CTNNA3: variants seen among roughly 807,000 people sequenced by gnomAD.
The protein encoded by CTNNA3 is catenin alpha 3, also known as catenin alpha-3.
A neutral mutation model predicts 95.7 loss-of-function variants in CTNNA3; 76 were observed. The ratio of observed to expected loss-of-function variants is 0.79; its 90% CI spans 0.66 to 0.96. CTNNA3 has a LOEUF of 0.96. Among genes scored for constraint, CTNNA3 ranks in the 40% least tolerant of loss-of-function variants. CTNNA3 has a pLI of 0.00. For missense variants in CTNNA3, 1,191 were observed against 1,089.8 expected, an observed-to-expected ratio of 1.09 and a Z score of -1.31; for synonymous variants, 431 against 374.4, an observed-to-expected ratio of 1.15 and a Z score of -1.74.
chr10:66,060,443 T>C (rs1288688019), intron 15 of CTNNA3, among the ~76,000 whole-genome samples: 1 of 152,084 alleles, frequency 6.6e-6, no homozygotes, highest in East Asian at 1.9e-4. Context: ...GTTATTTTTG[T>C]TTATTTCTAA....
rs144933631 is a variant in CTNNA3 at position 66,363,339 on chromosome 10, G to A, written c.1732+15813C>T. 1.6e-4 allele frequency among the ~76,000 whole-genome samples: 24 copies of A among 152,126 alleles called. 1 individual carries two copies. Among genetic ancestry groups the A allele is most frequent in the Non-Finnish European group, 3.1e-4 (21 of 68,018 alleles). ...AGATGGGGCCTTTGAGAGGTAATTA[G>A]GTCATAAAGGTGGAGCCCTCATAAT... is the stretch of plus-strand genomic sequence containing the variant. On this transcript the variant is annotated intron_variant, in intron 12 of 17. Coordinates refer to ENST00000433211, the MANE Select transcript of CTNNA3 (RefSeq NM_013266.4).
intron 1 of CTNNA3, among the ~76,000 whole-genome samples, chr10:67,713,776 T>C (rs1473781078): frequency 1.3e-5 from 2 of 151,974 alleles, no homozygotes; most frequent in Admixed American, 6.6e-5. Context: ...CACATGCTGG[T>C]GCCTGTCGGG....
chr10:66,510,237 T>C (rs570957496), intron 11 of CTNNA3, among the ~76,000 whole-genome samples: 1 of 151,778 alleles, frequency 6.6e-6, no homozygotes, highest in South Asian at 2.1e-4. Flanking sequence ...TGTATGTTGA[T>C]TTTTTTTATC....
At chr10:67,496,599 T>C (rs984579881) in intron 5 of CTNNA3, among the ~76,000 whole-genome samples, 1 of 152,196 alleles carries the variant, frequency 6.6e-6, no homozygotes, top group Admixed American at 6.5e-5. Flanking sequence ...GGATTTCATA[T>C]AGGTAACTGA....
chr10:65,963,550 GC>G (rs1206922756), intron 17 of CTNNA3, among the ~76,000 whole-genome samples: 1 of 152,106 alleles, frequency 6.6e-6, no homozygotes, highest in African/African-American at 2.4e-5. Flanking sequence ...ATTTTTACAT[GC>G]CAATGTTGTA....
intron 11 of CTNNA3, among the ~76,000 whole-genome samples, chr10:66,459,756 T>C (rs2093516356): frequency 6.6e-6 from 1 of 152,198 alleles, no homozygotes; most frequent in Admixed American, 6.6e-5. Context: ...TAAGTGTTTA[T>C]GCATTTAAAC....
chr10:67,126,312 A>T (rs920701149), intron 7 of CTNNA3, among the ~76,000 whole-genome samples: 1 of 152,122 alleles, frequency 6.6e-6, no homozygotes, highest in African/African-American at 2.4e-5. Context: ...GTGGATCATG[A>T]GGTAAGGAGT....
At chr10:67,412,525 C>A (rs965295630) in intron 5 of CTNNA3, among the ~76,000 whole-genome samples, 2 of 151,980 alleles carry the variant, frequency 1.3e-5, no homozygotes, top group Non-Finnish European at 2.9e-5. Context: ...AGATACTATA[C>A]AAGATGACCC....
chr10:66,699,666 C>CT (rs10627549), intron 9 of CTNNA3, among the ~76,000 whole-genome samples: 67,555 of 146,244 alleles, frequency 0.46, 15,871 homozygotes, highest in East Asian at 0.7. Context: ...TGATATTTAC[C>CT]TTTTTTTTTT....
At chr10:66,604,975 G>A (rs1364066721) in intron 10 of CTNNA3, among the ~76,000 whole-genome samples, 1 of 152,122 alleles carries the variant, frequency 6.6e-6, no homozygotes, top group African/African-American at 2.4e-5. Context: ...GGAAATGACA[G>A]AAGTAGAATT....
intron 13 of CTNNA3, among the ~76,000 whole-genome samples, chr10:66,119,567 G>C (rs947970889): frequency 6.6e-6 from 1 of 152,094 alleles, no homozygotes; most frequent in Admixed American, 6.6e-5. Context: ...TAGGGGATTA[G>C]GCTGTGTAAT....
chr10:67,367,326 C>G (rs558266282), intron 5 of CTNNA3, among the ~76,000 whole-genome samples: 6 of 151,462 alleles, frequency 4.0e-5, no homozygotes, highest in African/African-American at 1.5e-4. Flanking sequence ...ACCAAACATA[C>G]GAAAAAAATA....
chr10:66,736,352 AT>A (rs567734648), intron 9 of CTNNA3, among the ~76,000 whole-genome samples: 378 of 144,940 alleles, frequency 2.6e-3, no homozygotes, highest in South Asian at 2.9e-3. Flanking sequence ...CACCCGGCTA[AT>A]TTTTTTTTTT....
At chr10:66,636,408 T>A (rs1845338979) in intron 9 of CTNNA3, among the ~76,000 whole-genome samples, 1 of 152,036 alleles carries the variant, frequency 6.6e-6, no homozygotes, top group South Asian at 2.1e-4. Flanking sequence ...AGTGTAATCT[T>A]AGTAATTTTT....
intron 11 of CTNNA3, among the ~76,000 whole-genome samples, chr10:66,421,834 C>CAAAAAAAAAAAAAAAAAA (rs35845509): frequency 1.2e-5 from 1 of 81,524 alleles, no homozygotes. Context: ...GACTCTGTCT[C>CAAAAAAAAAAAAAAAAAA]AAAAAAAAAA....
chr10:66,582,813 T>G (rs1475886824), intron 10 of CTNNA3, among the ~76,000 whole-genome samples: 1 of 151,876 alleles, frequency 6.6e-6, no homozygotes, highest in Non-Finnish European at 1.5e-5. Context: ...GTATGTTTCT[T>G]CTATGTCTAG....
chr10:66,848,619 T>A (rs1327455138), intron 7 of CTNNA3, among the ~76,000 whole-genome samples: 1 of 152,172 alleles, frequency 6.6e-6, no homozygotes, highest in East Asian at 1.9e-4. Flanking sequence ...TATTTCACCT[T>A]ATGAGCTTAT....
At chr10:66,302,795 T>C (rs562442981) in intron 12 of CTNNA3, among the ~76,000 whole-genome samples, 1 of 152,258 alleles carries the variant, frequency 6.6e-6, no homozygotes, top group South Asian at 2.1e-4. Flanking sequence ...ATATCTCTCA[T>C]GTAAAAACAT....
At position 65,987,347 on chromosome 10, in the gene CTNNA3, A is replaced by G. The variant is rs184591119; in HGVS notation, c.2265+1345T>C. 9.3e-4 allele frequency among the ~76,000 whole-genome samples: 142 copies of G among 151,938 alleles called. No individual in the cohort carries two copies. In the Middle Eastern group the frequency reaches 0.017, roughly 18 times the overall value. On this transcript the variant is annotated intron_variant, in intron 16 of 17. Coordinates refer to ENST00000433211, the MANE Select transcript of CTNNA3 (RefSeq NM_013266.4). The stretch of plus-strand genomic sequence containing the variant: ...AGACATATCAACAGAAGAATAAAAC[A>G]AATTTAAAAATGGGCAAATGATCTG...
Sources: allele counts gnomAD v4.1 joint callset (sites outside exome capture counted in the v4.1 genomes callset), GRCh38; gene constraint gnomAD v4.1.1; transcripts MANE v1.5; gene names NCBI Gene and HGNC (gene_info 2026-07-23, HGNC 2026-07-21).